Variants in B4GALT5 observed in about 807,000 individuals in gnomAD.
The protein encoded by B4GALT5 is beta-1,4-galactosyltransferase 5.
Under a neutral mutation model 45.0 loss-of-function variants are expected in B4GALT5, and 11 were observed. The observed-to-expected ratio is 0.24, with a 90% confidence interval of 0.15 to 0.40. The LOEUF (loss-of-function observed/expected upper bound fraction) is 0.40. Among genes scored for constraint, B4GALT5 ranks in the 10% least tolerant of loss-of-function variants. The pLI, the probability that B4GALT5 is intolerant of heterozygous loss-of-function variation, is 1.00. For missense variants in B4GALT5, 337 were observed against 500.2 expected (o/e 0.67, Z 3.11); for synonymous variants, 185 against 182.9 (o/e 1.01, Z -0.09).
intron 1 of B4GALT5, among the ~76,000 whole-genome samples, chr20:49,694,218 T>C (rs531155614): frequency 1.3e-5 from 2 of 152,288 alleles, no homozygotes; most frequent in South Asian, 2.1e-4. Context: ...AGAGAGGCGA[T>C]GTGCCTAGAT....
intron 6 of B4GALT5, among the ~76,000 whole-genome samples, chr20:49,640,134 T>C (rs984575235): frequency 6.6e-6 from 1 of 152,194 alleles, no homozygotes; most frequent in Non-Finnish European, 1.5e-5. Context: ...AATCACCCCC[T>C]GCTCCTCCTA....
At chr20:49,705,299 G>C (rs1447455811) in intron 1 of B4GALT5, among the ~76,000 whole-genome samples, 1 of 151,926 alleles carries the variant, frequency 6.6e-6, no homozygotes, top group East Asian at 1.9e-4. Flanking sequence ...TTAGCCCACA[G>C]GACAAAAAAA....
intron 5 of B4GALT5, among the ~76,000 whole-genome samples, chr20:49,641,331 C>G (rs1304006433): frequency 6.6e-6 from 1 of 152,242 alleles, no homozygotes; most frequent in Non-Finnish European, 1.5e-5. Flanking sequence ...CAACCAATCT[C>G]TAACTGTTCA....
rs112464892 is a variant in B4GALT5 at position 49,694,882 on chromosome 20, T to C, written c.115+18694A>G. Among the ~76,000 whole-genome samples the C allele has an allele frequency of 3.9e-3, 589 of 152,000 alleles. 4 individuals are homozygous for C. Among genetic ancestry groups the C allele is most frequent in the Admixed American group, 6.8e-3 (104 of 15,270 alleles). ...CACCCCTGAAGCATCTACCAGCTAC[T>C]CAGTTCACCAAGTGGGTGCCACACA... On this transcript the variant is annotated intron_variant, in intron 1 of 8. Coordinates refer to ENST00000371711, the MANE Select transcript of B4GALT5 (RefSeq NM_004776.4).
intron 7 of B4GALT5, among the ~76,000 whole-genome samples, chr20:49,638,053 G>A (rs552105404): frequency 1.0e-3 from 156 of 151,380 alleles, no homozygotes; most frequent in African/African-American, 3.5e-3. Context: ...AGGGTCCACT[G>A]TGTTGCCCAG....
In B4GALT5 at chr20:49,643,621, T is replaced by G. The variant is rs1250657166; in HGVS notation, c.394A>C (p.Ile132Leu). Residue 132 changes from isoleucine to leucine, a missense_variant, in exon 4 of 9, where the codon ATT (isoleucine) becomes CTT (leucine). This residue lies in a region of B4GALT5 where 174 missense variants were observed against 207.4 expected (regional missense o/e 0.84). Coordinates refer to ENST00000371711, the MANE Select transcript of B4GALT5 (RefSeq NM_004776.4). ...AGTTCATGAATGTAATCCATTCCAA[T>G]TTCACTCATGTTTATGTCTATTGGG... is the stretch of plus-strand genomic sequence containing the variant. Reference protein sequence around the residue: ...KGPIDINMSEIGMDYIHELFS... With the variant: ...KGPIDINMSELGMDYIHELFS... The G allele has an allele frequency of 6.2e-7, 1 of 1,613,976 alleles. No individual in the cohort carries two copies. Among genetic ancestry groups the G allele is most frequent in the Admixed American group, 1.7e-5 (1 of 60,006 alleles).
chr20:49,698,228 T>C lies in B4GALT5; in HGVS notation c.115+15348A>G, dbSNP rs139806880. On this transcript the variant is annotated intron_variant, in intron 1 of 8. Transcript: ENST00000371711. ...ATCCCAGATACTCGGGAGGCTGAGG[T>C]GGGAGAATTGCTTGAACCTGGAAAG... Among the ~76,000 whole-genome samples the C allele has an allele frequency of 2.8e-3, 425 of 151,886 alleles. 4 individuals are homozygous for C. The highest frequency in any genetic ancestry group is 8.6e-3 in the African/African-American group (357 of 41,402).
intron 3 of B4GALT5, among the ~76,000 whole-genome samples, chr20:49,645,777 T>C (rs1194313991): frequency 1.3e-5 from 2 of 151,892 alleles, no homozygotes; most frequent in East Asian, 1.9e-4. Context: ...GCACATACAA[T>C]TATGTAGAGT....
At chr20:49,682,422 C>T (rs1176165325) in intron 1 of B4GALT5, among the ~76,000 whole-genome samples, 2 of 152,208 alleles carry the variant, frequency 1.3e-5, no homozygotes, top group Non-Finnish European at 2.9e-5. Flanking sequence ...CCTCATCTCT[C>T]TAGTTCTGCA....
In B4GALT5 at chr20:49,646,991, G is replaced by C. The variant is rs1254655635; in HGVS notation, c.338C>G (p.Thr113Ser). ...CATGGAAGGGAGTCTTTCAGGGCAG[G>C]TATGGTTTGCAAAGTAGGTGAAGTC... ...PEDFTYFANH[T>S]CPERLPSMKG... The change falls in exon 3 of 9, where the codon ACC (threonine) becomes AGC (serine). Residue 113 changes from threonine (T) to serine (S), a missense_variant. Physicochemically the swap from Thr to Ser is moderately conservative, Grantham distance 58. This residue lies in a region of B4GALT5 where 174 missense variants were observed against 207.4 expected (regional missense o/e 0.84). Coordinates refer to ENST00000371711, the MANE Select transcript of B4GALT5 (RefSeq NM_004776.4). 1.2e-6 allele frequency: 2 copies of C among 1,613,652 alleles called. No individual in the cohort carries two copies. The highest frequency in any genetic ancestry group is 2.7e-5 in the African/African-American group (2 of 74,928).
chr20:49,652,727 A>G (rs557772859), intron 2 of B4GALT5, among the ~76,000 whole-genome samples: 4 of 152,162 alleles, frequency 2.6e-5, no homozygotes, highest in Non-Finnish European at 5.9e-5. Context: ...GTTTTCATTC[A>G]CTAATCACCA....
intron 1 of B4GALT5, among the ~76,000 whole-genome samples, chr20:49,668,800 G>T (rs1387076003): frequency 6.6e-6 from 1 of 151,944 alleles, no homozygotes; most frequent in Non-Finnish European, 1.5e-5. Context: ...TTGCCTTGTG[G>T]TTCCAGCCTC....
In B4GALT5 at chr20:49,692,058, GTCTGTAAAGAGGCCTCAGACAGTAAT is replaced by G. The variant is rs1447756138; in HGVS notation, c.115+21492_115+21517del. 1.4e-4 allele frequency among the ~76,000 whole-genome samples: 22 copies of G among 152,080 alleles called. 1 individual carries two copies. Among genetic ancestry groups the G allele is most frequent in the Admixed American group, 1.2e-3 (19 of 15,276 alleles). The stretch of plus-strand genomic sequence containing the variant: ...CACCTTGGCATCCCACTTACCCCAT[GTCTGTAAAGAGGCCTCAGACAGTAAT>G]TCAACCATTTAAAAACTATGTCCCC... On this transcript the variant is annotated intron_variant, in intron 1 of 8. Coordinates refer to ENST00000371711, the MANE Select transcript of B4GALT5 (RefSeq NM_004776.4).
intron 1 of B4GALT5, among the ~76,000 whole-genome samples, chr20:49,682,075 A>G (rs2085766354): frequency 6.6e-6 from 1 of 152,226 alleles, no homozygotes; most frequent in South Asian, 2.1e-4. Flanking sequence ...CAGCCTGGAC[A>G]AAGGAGCCAG....
chr20:49,684,969 T>C (rs1351125773), intron 1 of B4GALT5, among the ~76,000 whole-genome samples: 1 of 152,218 alleles, frequency 6.6e-6, no homozygotes, highest in Non-Finnish European at 1.5e-5. Flanking sequence ...TTTAGAGTAA[T>C]TTTAGAATTA....
At chr20:49,707,369 C>CAA (rs143137735) in intron 1 of B4GALT5, among the ~76,000 whole-genome samples, 3 of 145,074 alleles carry the variant, frequency 2.1e-5, no homozygotes, top group African/African-American at 7.6e-5. Flanking sequence ...GGATTTGGAG[C>CAA]AAAAAAAAAA....
intron 1 of B4GALT5, among the ~76,000 whole-genome samples, chr20:49,682,271 G>A (rs1290751941): frequency 1.3e-5 from 2 of 152,216 alleles, no homozygotes; most frequent in African/African-American, 2.4e-5. Context: ...GCCCCTCTGT[G>A]CACTGCCTAC....
intron 2 of B4GALT5, among the ~76,000 whole-genome samples, chr20:49,651,305 C>T (rs188098793): frequency 1.0e-3 from 156 of 149,852 alleles, no homozygotes; most frequent in African/African-American, 3.6e-3. Flanking sequence ...AATGGGAAAA[C>T]AGGCCAGGCA....
At chr20:49,659,254 CAA>C (rs1393559282) in intron 1 of B4GALT5, among the ~76,000 whole-genome samples, 3 of 152,194 alleles carry the variant, frequency 2.0e-5, no homozygotes, top group Non-Finnish European at 4.4e-5. Context: ...TGTTACTGCT[CAA>C]AAGTCTTTTA....
Sources: gnomAD v4.1 joint callset for allele counts (sites outside exome capture counted in the v4.1 genomes callset) on GRCh38, gnomAD v4.1.1 for gene constraint, gnomAD v4.1.1 regional missense constraint, MANE v1.5 for transcripts, NCBI Gene and HGNC (gene_info 2026-07-23, HGNC 2026-07-21) for gene names.